The following IPMK variants were observed in gnomAD, a reference collection of about 807,000 sequenced individuals.
IPMK encodes the protein inositol polyphosphate multikinase.
IPMK carries 17 observed loss-of-function variants against 45.8 expected under a neutral mutation model. The ratio of observed to expected loss-of-function variants is 0.37; its 90% confidence interval spans 0.25 to 0.56. The LOEUF (loss-of-function observed/expected upper bound fraction) is 0.56. Ranked by LOEUF, IPMK falls within the 20% of genes least tolerant of loss-of-function variation. The pLI is 0.79. For missense variants in IPMK, 399 were observed against 498.0 expected, an observed-to-expected ratio of 0.80 and a Z score of 1.89; for synonymous variants, 180 against 184.3, an observed-to-expected ratio of 0.98 and a Z score of 0.19.
chr10:58,230,956 G>C (rs1164494572), intron 2 of IPMK, among the ~76,000 whole-genome samples: 1 of 152,138 alleles, frequency 6.6e-6, no homozygotes, highest in Non-Finnish European at 1.5e-5. Context: ...TCGCTAACTA[G>C]AATAAACAGT....
At chr10:58,260,552 AGCATATGTG>A (rs1173178694) in intron 1 of IPMK, among the ~76,000 whole-genome samples, 1 of 152,238 alleles carries the variant, frequency 6.6e-6, no homozygotes, top group African/African-American at 2.4e-5. Flanking sequence ...AGAGTAATAA[AGCATATGTG>A]GCAAAATTAA....
intron 1 of IPMK, among the ~76,000 whole-genome samples, chr10:58,263,926 C>G (rs1310401457): frequency 6.6e-6 from 1 of 152,146 alleles, no homozygotes; most frequent in Non-Finnish European, 1.5e-5. Flanking sequence ...CAGGGAAAGG[C>G]TGAGGATATG....
At chr10:58,217,274 T>G (rs1838257586) in intron 3 of IPMK, among the ~76,000 whole-genome samples, 1 of 150,408 alleles carries the variant, frequency 6.6e-6, no homozygotes, top group Non-Finnish European at 1.5e-5. Context: ...TCAAATACAG[T>G]ATTATAAAAG....
At chr10:58,231,789 C>T (rs1015893036) in intron 2 of IPMK, among the ~76,000 whole-genome samples, 5 of 152,064 alleles carry the variant, frequency 3.3e-5, no homozygotes, top group African/African-American at 4.8e-5. Flanking sequence ...AAATAACCAG[C>T]GAACATCATA....
chr10:58,232,287 T>C (rs1022464393), intron 2 of IPMK, among the ~76,000 whole-genome samples: 7 of 152,136 alleles, frequency 4.6e-5, no homozygotes, highest in African/African-American at 1.7e-4. Flanking sequence ...GACAGAAGGT[T>C]AATAAGGATA....
chr10:58,262,222 A>T (rs1839083209), intron 1 of IPMK, among the ~76,000 whole-genome samples: 1 of 152,188 alleles, frequency 6.6e-6, no homozygotes, highest in Admixed American at 6.5e-5. Flanking sequence ...GTGCACATGT[A>T]CCCCAGAACT....
chr10:58,230,583 CCTGA>C (rs1838500065), intron 2 of IPMK, among the ~76,000 whole-genome samples: 1 of 152,196 alleles, frequency 6.6e-6, no homozygotes, highest in Admixed American at 6.5e-5. Context: ...AGCTGAGGGA[CCTGA>C]CTGTTAGAAG....
rs1417672182 is a variant in IPMK at position 58,266,130 on chromosome 10, A to G, written c.190+1292T>C. Among the ~76,000 whole-genome samples the G allele has an allele frequency of 3.3e-5, 5 of 152,184 alleles. No homozygotes were observed. In the East Asian group the frequency reaches 9.6e-4, roughly 29 times the overall value. On this transcript the variant is annotated intron_variant, in intron 1 of 5. Coordinates refer to ENST00000373935, the MANE Select transcript of IPMK (RefSeq NM_152230.5). ...GGACGTTGTTTCTTTACCTCGGTAT[A>G]CTAAAACAACTGTCAATTTTCACTA...
At chr10:58,248,453 T>G (rs2590329) in intron 1 of IPMK, among the ~76,000 whole-genome samples, 2 of 151,718 alleles carry the variant, frequency 1.3e-5, no homozygotes, top group African/African-American at 4.9e-5. Flanking sequence ...TTTATGTGTG[T>G]GCACATATAT....
At chr10:58,264,734 TTG>T (rs1260708835) in intron 1 of IPMK, among the ~76,000 whole-genome samples, 4 of 152,190 alleles carry the variant, frequency 2.6e-5, no homozygotes, top group Non-Finnish European at 4.4e-5. Context: ...GTTAAATAAA[TTG>T]TGATACATCC....
intron 3 of IPMK, among the ~76,000 whole-genome samples, chr10:58,226,134 G>A (rs1158462012): frequency 6.6e-6 from 1 of 152,092 alleles, no homozygotes; most frequent in African/African-American, 2.4e-5. Flanking sequence ...AGCTAGCTGA[G>A]GATACTCACA....
chr10:58,257,459 C>A (rs1267091347), intron 1 of IPMK, among the ~76,000 whole-genome samples: 1 of 152,050 alleles, frequency 6.6e-6, no homozygotes, highest in Non-Finnish European at 1.5e-5. Context: ...TATGCCACTG[C>A]ACTCCAGCCT....
At chr10:58,197,625 G>GGA (rs1837923637) in intron 5 of IPMK, among the ~76,000 whole-genome samples, 1 of 149,520 alleles carries the variant, frequency 6.7e-6, no homozygotes, top group Non-Finnish European at 1.5e-5. Context: ...ACTCCAGCCT[G>GGA]CGCAACAGAA....
At chr10:58,220,207 A>C (rs1838310870) in intron 3 of IPMK, among the ~76,000 whole-genome samples, 1 of 152,188 alleles carries the variant, frequency 6.6e-6, no homozygotes, top group African/African-American at 2.4e-5. Context: ...AGGTGTGGAT[A>C]GCAAGGAAGG....
At chr10:58,226,757 C>T (rs1358520539) in intron 3 of IPMK, among the ~76,000 whole-genome samples, 1 of 152,086 alleles carries the variant, frequency 6.6e-6, no homozygotes, top group East Asian at 1.9e-4. Flanking sequence ...AGAAACTACA[C>T]AATAAATTAG....
chr10:58,208,234 C>G (rs1435294460), intron 4 of IPMK, among the ~76,000 whole-genome samples: 2 of 152,144 alleles, frequency 1.3e-5, no homozygotes. Flanking sequence ...GCCACCACAC[C>G]TGGCCCTGTT....
intron 4 of IPMK, among the ~76,000 whole-genome samples, chr10:58,202,501 C>A (rs756407933): frequency 1.3e-5 from 2 of 152,024 alleles, no homozygotes; most frequent in African/African-American, 4.8e-5. Flanking sequence ...CCCGTTTCTA[C>A]AAAAAATTTA....
intron 1 of IPMK, among the ~76,000 whole-genome samples, chr10:58,249,648 A>G (rs2132173519): frequency 6.6e-6 from 1 of 152,268 alleles, no homozygotes; most frequent in African/African-American, 2.4e-5. Context: ...CCCATTCTAT[A>G]GGCTGTCACT....
rs563729478 is a variant in IPMK, at chr10:58,209,756, A to C, written c.546+6389T>G. On this transcript the variant is annotated intron_variant, in intron 4 of 5. Coordinates refer to ENST00000373935, the MANE Select transcript of IPMK (RefSeq NM_152230.5). ...CTAGCAGTGAAGTTGTTACATGGAC[A>C]GACTGAGGACCACTGGTTAGTCAGG... Among the ~76,000 whole-genome samples the C allele has an allele frequency of 5.3e-5, 8 of 152,330 alleles. No individual in the cohort carries two copies. The South Asian group carries it at 1.7e-3, about 32-fold the overall frequency.
Sources: gnomAD v4.1 joint callset for allele counts (sites outside exome capture counted in the v4.1 genomes callset) on GRCh38, gnomAD v4.1.1 for gene constraint, MANE v1.5 for transcripts, NCBI Gene and HGNC (gene_info 2026-07-23, HGNC 2026-07-21) for gene names.